Variants in MID1 observed in about 807,000 individuals in gnomAD.
MID1 encodes the protein midline 1.
In MID1, 7 loss-of-function variants were observed where a neutral mutation model predicts 40.4. The ratio of observed to expected loss-of-function variants is 0.17; its 90% CI spans 0.10 to 0.33. MID1 has a LOEUF of 0.33. Among genes scored for constraint, MID1 ranks in the 10% least tolerant of loss-of-function variants. The pLI is 1.00. For synonymous variants in MID1, 229 were observed against 221.2 expected, an observed-to-expected ratio of 1.04 and a Z score of -0.31; for missense variants, 367 against 558.5, an observed-to-expected ratio of 0.66 and a Z score of 3.46.
chrX:10,795,343 A>G (rs781577238), intron 1 of MID1, among the ~76,000 whole-genome samples: 1 of 112,796 alleles, frequency 8.9e-6, no homozygotes, highest in South Asian at 3.7e-4. Context: ...AAACTTGTCA[A>G]CCCAGAATGG....
intron 1 of MID1, among the ~76,000 whole-genome samples, chrX:10,766,750 T>A (rs1313364822): frequency 1.8e-5 from 2 of 108,893 alleles, no homozygotes; most frequent in East Asian, 5.8e-4. Flanking sequence ...TGAAACCTCG[T>A]CTCCATAAAA....
chrX:10,817,425 T>C (rs1323197563), intron 1 of MID1, among the ~76,000 whole-genome samples: 6 of 111,415 alleles, frequency 5.4e-5, no homozygotes, highest in Non-Finnish European at 1.1e-4. Flanking sequence ...ACTTCAGCAA[T>C]GAAGTAGGAG....
chrX:10,762,584 C>G (rs1054360541), intron 1 of MID1, among the ~76,000 whole-genome samples: 3 of 110,234 alleles, frequency 2.7e-5, no homozygotes, highest in African/African-American at 9.9e-5. Context: ...CAGGCACATG[C>G]CACTACACCT....
At chrX:10,748,147 G>T (rs2043572704) in intron 1 of MID1, among the ~76,000 whole-genome samples, 1 of 110,729 alleles carries the variant, frequency 9.0e-6, no homozygotes. Context: ...CTCCCACCCA[G>T]CTGGCCTTTC....
intron 1 of MID1, among the ~76,000 whole-genome samples, chrX:10,777,859 A>T (rs750725078): frequency 8.9e-6 from 1 of 111,733 alleles, no homozygotes; most frequent in Non-Finnish European, 1.9e-5. Flanking sequence ...AAACATGCAC[A>T]TTAGCCTAGG....
chrX:10,641,417 TAGA>T (rs1181874507), intron 1 of MID1, among the ~76,000 whole-genome samples: 2 of 111,883 alleles, frequency 1.8e-5, no homozygotes, highest in East Asian at 2.8e-4. Flanking sequence ...CTAGAAAATC[TAGA>T]AGAAATGGAC....
chrX:10,490,873 T>A (rs1378703791), intron 4 of MID1, among the ~76,000 whole-genome samples: 1 of 112,375 alleles, frequency 8.9e-6, no homozygotes, highest in African/African-American at 3.2e-5. Flanking sequence ...CTTCTGCTTT[T>A]AAATTTTTGG....
chrX:10,625,788 C>T, intron 1 of MID1, among the ~76,000 whole-genome samples: 1 of 112,011 alleles, frequency 8.9e-6, no homozygotes, highest in Non-Finnish European at 1.9e-5. Flanking sequence ...TCTTTGGAAA[C>T]CACTCAAAGA....
At chrX:10,465,013 A>ATCTC (rs1377270130) in intron 7 of MID1, among the ~76,000 whole-genome samples, 4 of 108,399 alleles carry the variant, frequency 3.7e-5, no homozygotes, top group Non-Finnish European at 7.6e-5. Context: ...GCGAAATCCC[A>ATCTC]TCTCTACTAA....
intron 7 of MID1, among the ~76,000 whole-genome samples, chrX:10,462,970 A>G (rs1312278271): frequency 8.9e-6 from 1 of 112,042 alleles, no homozygotes; most frequent in Non-Finnish European, 1.9e-5. Flanking sequence ...AAAAACAGAT[A>G]ACTACTTAGC....
intron 1 of MID1, among the ~76,000 whole-genome samples, chrX:10,713,383 G>T (rs1435613470): frequency 9.2e-6 from 1 of 108,724 alleles, no homozygotes; most frequent in Non-Finnish European, 1.9e-5. Context: ...GAGTGCAGTG[G>T]CACCATCATG....
intron 1 of MID1, among the ~76,000 whole-genome samples, chrX:10,677,094 A>G (rs1280284218): frequency 8.9e-6 from 1 of 112,041 alleles, no homozygotes; most frequent in African/African-American, 3.2e-5. Flanking sequence ...CTTGTTTTTA[A>G]CTTATCCAAA....
chrX:10,697,675 C>T (rs1437906421), intron 1 of MID1, among the ~76,000 whole-genome samples: 2 of 111,662 alleles, frequency 1.8e-5, no homozygotes, highest in Non-Finnish European at 3.8e-5. Context: ...ATGGCGTCTG[C>T]GGGTGTCCTG....
chrX:10,542,453 GA>G (rs1422831568), intron 2 of MID1, among the ~76,000 whole-genome samples: 2 of 111,938 alleles, frequency 1.8e-5, no homozygotes, highest in African/African-American at 6.5e-5. Flanking sequence ...ATGAGGACTG[GA>G]AGGGGAACTT....
intron 1 of MID1, among the ~76,000 whole-genome samples, chrX:10,689,952 G>T (rs1053228141): frequency 2.9e-5 from 3 of 103,820 alleles, no homozygotes; most frequent in Non-Finnish European, 1.9e-5. Flanking sequence ...TATAGACAGA[G>T]AAAATAACAT....
At chrX:10,829,858 T>C (rs185671441) in intron 1 of MID1, among the ~76,000 whole-genome samples, 132 of 111,964 alleles carry the variant, frequency 1.2e-3, no homozygotes, top group Non-Finnish European at 1.9e-3. Context: ...GCCTACTTTA[T>C]AAGAATTGTT....
At chrX:10,702,043 T>C (rs867240011) in intron 1 of MID1, among the ~76,000 whole-genome samples, 1 of 112,849 alleles carries the variant, frequency 8.9e-6, no homozygotes, top group South Asian at 3.6e-4. Flanking sequence ...ACTGAATGCA[T>C]GCAGTGAACA....
chrX:10,491,987 TC>T (rs1020812310), intron 4 of MID1, among the ~76,000 whole-genome samples: 3 of 112,160 alleles, frequency 2.7e-5, no homozygotes, highest in Non-Finnish European at 5.6e-5. Context: ...TGACCAAAAC[TC>T]AGTTTCCAAA....
rs189586617 is a variant in MID1 at position 10,822,754 on chromosome X, T to C, written c.-187+10800A>G. ...CATCACTGATCAAGAGAGAAATGCA[T>C]ATTAAAACCATAATGAGATATCATC... On this transcript the variant is annotated intron_variant, in intron 1 of 10. Transcript: ENST00000380785. Among the ~76,000 whole-genome samples the C allele has an allele frequency of 3.6e-5, 4 of 112,055 alleles. No homozygotes were observed. In the East Asian group the frequency reaches 1.1e-3, roughly 32 times the overall value.
Sources: allele counts gnomAD v4.1 joint callset (sites outside exome capture counted in the v4.1 genomes callset), GRCh38; gene constraint gnomAD v4.1.1; transcripts MANE v1.5; gene names NCBI Gene and HGNC (gene_info 2026-07-23, HGNC 2026-07-21).